Variants in SREBF2 observed in about 807,000 individuals in gnomAD.
The protein encoded by SREBF2 is sterol regulatory element binding transcription factor 2, also known as sterol regulatory element-binding protein 2.
A neutral mutation model predicts 113.1 loss-of-function variants in SREBF2; 55 were observed. The observed-to-expected ratio is 0.49, with a 90% confidence interval of 0.39 to 0.61. SREBF2 has a LOEUF of 0.61. SREBF2 is among the 20% of genes least tolerant of loss of function. SREBF2 has a pLI of 0.00. For missense variants in SREBF2, 1,349 were observed against 1,487.4 expected, an observed-to-expected ratio of 0.91 and a Z score of 1.53; for synonymous variants, 593 against 605.7, an observed-to-expected ratio of 0.98 and a Z score of 0.31.
intron 1 of SREBF2, among the ~76,000 whole-genome samples, chr22:41,861,999 T>C (rs531684327): frequency 2.0e-5 from 3 of 152,258 alleles, no homozygotes; most frequent in African/African-American, 7.2e-5. Flanking sequence ...ATGACCTTTG[T>C]AAACTAGGTT....
chr22:41,864,324 T>TATA (rs34701406), intron 1 of SREBF2, among the ~76,000 whole-genome samples: 6,896 of 95,392 alleles, frequency 0.072, 437 homozygotes, highest in African/African-American at 0.15. Flanking sequence ...TATATATATA[T>TATA]TTTTTTTTTT....
At chr22:41,859,799 CTTTTTTTTTTTT>C (rs1174473976) in intron 1 of SREBF2, among the ~76,000 whole-genome samples, 16 of 54,366 alleles carry the variant, frequency 2.9e-4, no homozygotes, top group Admixed American at 8.6e-4. Context: ...TATGGTGATT[CTTTTTTTTTTTT>C]TTTTTTTTTT....
intron 10 of SREBF2, among the ~76,000 whole-genome samples, chr22:41,883,665 C>T (rs950876112): frequency 6.6e-6 from 1 of 152,178 alleles, no homozygotes; most frequent in Non-Finnish European, 1.5e-5. Context: ...CTCTCACCTC[C>T]CTTCCTGTGT....
chr22:41,879,461 T>C (rs2077226197), intron 9 of SREBF2, among the ~76,000 whole-genome samples: 1 of 152,028 alleles, frequency 6.6e-6, no homozygotes, highest in South Asian at 2.1e-4. Flanking sequence ...AGAGGGTTCT[T>C]AGGGAGAATT....
chr22:41,892,082 T>A (rs1465294144), intron 11 of SREBF2, among the ~76,000 whole-genome samples: 9 of 152,114 alleles, frequency 5.9e-5, no homozygotes, highest in Non-Finnish European at 1.3e-4. Context: ...CAGGGGCTCA[T>A]GCAGGGGTGC....
In SREBF2 at chr22:41,905,773, C is replaced by A; in HGVS notation, c.*113C>A. ...CCTTGTCTTCTTAGCTGTCACCTGCCGAGGCTTCTGGGCCACTCAGGCCAG... is the reference window on the plus strand; with the variant it reads ...CCTTGTCTTCTTAGCTGTCACCTGCAGAGGCTTCTGGGCCACTCAGGCCAG... On this transcript the variant is annotated 3_prime_UTR_variant, in exon 19 of 19. Coordinates refer to ENST00000361204, the MANE Select transcript of SREBF2 (RefSeq NM_004599.4). 1 of 1,268,500 alleles carries A rather than the reference C, an allele frequency of 7.9e-7. No homozygotes were observed. The highest frequency in any genetic ancestry group is 1.1e-6 in the Non-Finnish European group (1 of 891,350). The allele number at this position is 1,268,500 out of a possible 1,614,324, so 78.6% of individuals were successfully genotyped here. A position where few individuals can be genotyped will look rare whatever the true frequency, so the allele number is the denominator to read the frequency against.
chr22:41,876,808 C>G (rs1488017201), intron 7 of SREBF2, among the ~76,000 whole-genome samples: 1 of 152,134 alleles, frequency 6.6e-6, no homozygotes, highest in Non-Finnish European at 1.5e-5. Flanking sequence ...TTCCATCACC[C>G]CAAAAAGCTC....
At chr22:41,850,088 C>CGA (rs2148351737) in intron 1 of SREBF2, among the ~76,000 whole-genome samples, 1 of 151,706 alleles carries the variant, frequency 6.6e-6, no homozygotes, top group African/African-American at 2.4e-5. Flanking sequence ...TGCAGTGAGC[C>CGA]GAGATTACCC....
At chr22:41,877,796 G>A (rs1480301171) in intron 8 of SREBF2, 146 bp from the exon 9 acceptor site, 2 of 903,860 alleles carry the variant, frequency 2.2e-6, no homozygotes, top group Admixed American at 3.7e-5. Context: ...ACAGTCATTA[G>A]CCCTGTTTAG....
At chr22:41,895,752 T>C (rs962227035) in intron 13 of SREBF2, among the ~76,000 whole-genome samples, 3 of 152,090 alleles carry the variant, frequency 2.0e-5, no homozygotes, top group Non-Finnish European at 4.4e-5. Flanking sequence ...CCCATTTTTA[T>C]GTATCCCTTT....
chr22:41,883,880 A>G (rs577324581), intron 10 of SREBF2, among the ~76,000 whole-genome samples: 14 of 152,322 alleles, frequency 9.2e-5, no homozygotes, highest in South Asian at 4.1e-4. Flanking sequence ...TTGCCCTTGT[A>G]GTGAGGACCA....
chr22:41,871,255 A>G (rs1307116845), intron 4 of SREBF2, among the ~76,000 whole-genome samples: 4 of 152,220 alleles, frequency 2.6e-5, no homozygotes, highest in Non-Finnish European at 5.9e-5. Context: ...AAGGAGGTAG[A>G]AAAGAATAGC....
chr22:41,855,666 G>A (rs990589061), intron 1 of SREBF2, among the ~76,000 whole-genome samples: 1 of 152,114 alleles, frequency 6.6e-6, no homozygotes, highest in African/African-American at 2.4e-5. Flanking sequence ...AGCCTTAATC[G>A]GTAGTAAATA....
rs981960906 is a variant in SREBF2, at chr22:41,871,163, T to A, written c.867+128T>A. The A allele has an allele frequency of 3.1e-6, 4 of 1,273,322 alleles. No individual in the cohort carries two copies. The African/African-American group carries it at 6.0e-5, about 19-fold the overall frequency. The allele number at this position is 1,273,322 out of a possible 1,614,324, so 78.9% of individuals were successfully genotyped here. A position where few individuals can be genotyped will look rare whatever the true frequency, so the allele number is the denominator to read the frequency against. ...GGTCTATAGCACAAATCAGTCAAAT[T>A]GTAAATGTCACCCCTCTTAGTTGTT... On this transcript the variant is annotated intron_variant, in intron 4 of 18. Transcript: ENST00000361204.
chr22:41,890,707 C>A (rs944979021), intron 11 of SREBF2, among the ~76,000 whole-genome samples: 1 of 150,902 alleles, frequency 6.6e-6, no homozygotes, highest in African/African-American at 2.4e-5. Flanking sequence ...ACAAGCCAAG[C>A]CACCAGCGTG....
intron 17 of SREBF2, 75 bp downstream of exon 17, chr22:41,903,230 C>T (rs1002181972): frequency 4.6e-6 from 7 of 1,515,018 alleles, no homozygotes; most frequent in African/African-American, 4.1e-5. Context: ...AGCATGGGCA[C>T]CAGCATGTGG....
At chr22:41,877,552 C>T (rs2077208080) in intron 8 of SREBF2, 131 bp downstream of exon 8, 2 of 1,074,930 alleles carry the variant, frequency 1.9e-6, no homozygotes, top group South Asian at 1.4e-5. Flanking sequence ...CACCTGCTTG[C>T]TTCTGATAGG....
rs1482045197 is a variant in SREBF2, at chr22:41,900,483, C to T, written c.2892C>T (p.Asp964=). The change falls in exon 16 of 19, where the codon GAC becomes GAT. Residue 964 remains aspartate (D), a synonymous_variant. Coordinates refer to ENST00000361204, the MANE Select transcript of SREBF2 (RefSeq NM_004599.4). The stretch of plus-strand genomic sequence containing the variant: ...TCAACGTCAGTGGGGCCACCTCTGA[C>T]CCTGCCCTCAACCACGTGAGTGGGA... The part of the protein sequence containing the change: ...SSLNVSGATS[D]PALNHVVQLL... The T allele has an allele frequency of 1.9e-6, 3 of 1,613,302 alleles. No homozygotes were observed. Among genetic ancestry groups the T allele is most frequent in the Admixed American group, 3.3e-5 (2 of 59,996 alleles).
chr22:41,869,670 A>C (rs938781335), intron 3 of SREBF2, among the ~76,000 whole-genome samples: 1 of 148,890 alleles, frequency 6.7e-6, no homozygotes, highest in Non-Finnish European at 1.5e-5. Context: ...TTTTTAGTAG[A>C]GATGGGGTTT....
Sources: allele counts gnomAD v4.1 joint callset (sites outside exome capture counted in the v4.1 genomes callset), GRCh38; gene constraint gnomAD v4.1.1; transcripts MANE v1.5; gene names NCBI Gene and HGNC (gene_info 2026-07-23, HGNC 2026-07-21).